Variants in PLD5 observed in about 807,000 individuals in gnomAD.
PLD5 encodes inactive phospholipase D5.
Under a neutral mutation model 61.1 loss-of-function variants are expected in PLD5, and 36 were observed. That is an observed-to-expected ratio of 0.59 (90% CI 0.45 to 0.78). The LOEUF is 0.78. Ranked by LOEUF, PLD5 falls within the 30% of genes least tolerant of loss-of-function variation. PLD5 has a pLI of 0.00. For missense variants in PLD5, 515 were observed against 644.4 expected (o/e 0.80, Z 2.17); for synonymous variants, 243 against 242.8 (o/e 1.00, Z -0.01).
In PLD5 at chr1:242,256,407, C is replaced by T. The variant is rs368584818; in HGVS notation, c.607+8930G>A. The stretch of plus-strand genomic sequence containing the variant: ...GTCCCTCAAGAATCATTCGTTTAAA[C>T]GTAATTCCCACTGTGGCAGTATTAA... On this transcript the variant is annotated intron_variant, in intron 4 of 9. Coordinates refer to ENST00000536534, the MANE Select transcript of PLD5 (RefSeq NM_001372062.1). The surrounding 1 kb of genome is among the most constrained non-coding windows in gnomAD (Gnocchi z 5.7). 5.3e-5 allele frequency among the ~76,000 whole-genome samples: 8 copies of T among 152,338 alleles called. No homozygotes were observed. Among genetic ancestry groups the T allele is most frequent in the Admixed American group, 1.3e-4 (2 of 15,312 alleles).
chr1:242,386,497 C>T (rs1662609046), intron 1 of PLD5, among the ~76,000 whole-genome samples: 1 of 152,136 alleles, frequency 6.6e-6, no homozygotes, highest in Non-Finnish European at 1.5e-5. Context: ...AAACCTGAAC[C>T]CAGTCCAGTC....
In PLD5 at chr1:242,088,181, T is replaced by C. The variant is rs1659558976; in HGVS notation, c.*1673A>G. ...TTGCTCTGAAAATACATGTATATTA[T>C]GGTCCTGAAGAACCAGCTCTAGCAC... On this transcript the variant is annotated 3_prime_UTR_variant, in exon 10 of 10. Transcript: ENST00000536534. 1 of 152,240 alleles carries C rather than the reference T, an allele frequency of 6.6e-6. No homozygotes were observed. The highest frequency in any genetic ancestry group is 2.4e-5 in the African/African-American group (1 of 41,464). 9.4% of individuals were successfully genotyped at this position (152,240 alleles called of 1,614,324 possible).
intron 5 of PLD5, among the ~76,000 whole-genome samples, chr1:242,208,708 T>C (rs994495799): frequency 3.3e-5 from 5 of 152,154 alleles, no homozygotes; most frequent in Non-Finnish European, 5.9e-5. Flanking sequence ...TCTGACTTGA[T>C]CACCAGCATC....
intron 5 of PLD5, among the ~76,000 whole-genome samples, chr1:242,161,212 G>A (rs1665798212): frequency 6.6e-6 from 1 of 152,054 alleles, no homozygotes; most frequent in African/African-American, 2.4e-5. Flanking sequence ...ACATGGCTGG[G>A]GATTCCACAC....
At chr1:242,411,519 GCCA>G (rs1664558010) in intron 1 of PLD5, among the ~76,000 whole-genome samples, 1 of 152,228 alleles carries the variant, frequency 6.6e-6, no homozygotes, top group Admixed American at 6.5e-5. Flanking sequence ...ACAGGCATGA[GCCA>G]CCACACCTGG....
chr1:242,287,224 C>A (rs1261961160), intron 3 of PLD5, among the ~76,000 whole-genome samples: 1 of 152,156 alleles, frequency 6.6e-6, no homozygotes, highest in East Asian at 1.9e-4. Flanking sequence ...GTGAGGAAAG[C>A]CATCCAGGAT....
chr1:242,285,346 A>C (rs1674961716), intron 3 of PLD5, among the ~76,000 whole-genome samples: 1 of 152,104 alleles, frequency 6.6e-6, no homozygotes, highest in Non-Finnish European at 1.5e-5. Context: ...AAAAATACAA[A>C]AATTAGCTTG....
chr1:242,361,569 C>T (rs4039080), intron 1 of PLD5, among the ~76,000 whole-genome samples: 134,175 of 151,332 alleles, frequency 0.89, 60,835 homozygotes, highest in Non-Finnish European at 0.98. Flanking sequence ...CTTCACAAGA[C>T]AAAACAAAAT....
At chr1:242,206,942 G>T (rs1404330172) in intron 5 of PLD5, among the ~76,000 whole-genome samples, 1 of 152,176 alleles carries the variant, frequency 6.6e-6, no homozygotes, top group Non-Finnish European at 1.5e-5. Context: ...GGGGCTGTAA[G>T]TTCAAAATCT....
At chr1:242,310,664 A>G (rs181954922) in intron 2 of PLD5, among the ~76,000 whole-genome samples, 13 of 152,326 alleles carry the variant, frequency 8.5e-5, no homozygotes, top group Non-Finnish European at 1.6e-4. Context: ...CTCCAACCTG[A>G]TAATATCAAA....
chr1:242,322,302 T>C (rs1658468341), intron 2 of PLD5, among the ~76,000 whole-genome samples: 2 of 152,210 alleles, frequency 1.3e-5, no homozygotes, highest in Non-Finnish European at 2.9e-5. Flanking sequence ...GCCAGCCATG[T>C]CACCACTCTT....
rs565644211 is a variant in PLD5, at chr1:242,383,924, G to A, written c.190-35682C>T. Among the ~76,000 whole-genome samples, 18 of 152,258 alleles carry A rather than the reference G, an allele frequency of 1.2e-4. No individual in the cohort carries two copies. In the South Asian group the frequency reaches 3.7e-3, roughly 32 times the overall value. On this transcript the variant is annotated intron_variant, in intron 1 of 9. Coordinates refer to ENST00000536534, the MANE Select transcript of PLD5 (RefSeq NM_001372062.1). The stretch of plus-strand genomic sequence containing the variant: ...AAACTGGTGTATGTACTTCTGGAAG[G>A]TAAAAATCCAAGCACTTGGCTTCCA...
intron 5 of PLD5, among the ~76,000 whole-genome samples, chr1:242,197,381 C>T (rs779854676): frequency 6.6e-6 from 1 of 152,228 alleles, no homozygotes; most frequent in African/African-American, 2.4e-5. Context: ...CCATGCTTCT[C>T]TGCATGACAC....
intron 1 of PLD5, among the ~76,000 whole-genome samples, chr1:242,375,463 C>T (rs12568231): frequency 0.028 from 4,316 of 152,218 alleles, 151 homozygotes; most frequent in East Asian, 0.14. Context: ...AAATGTCCCA[C>T]GTTTATCTAC....
chr1:242,402,511 C>A (rs929469097), intron 1 of PLD5, among the ~76,000 whole-genome samples: 2 of 152,070 alleles, frequency 1.3e-5, no homozygotes, highest in African/African-American at 2.4e-5. Flanking sequence ...GGTTGCCTAC[C>A]TTATACAATA....
At chr1:242,131,836 T>C (rs2148759059) in intron 5 of PLD5, among the ~76,000 whole-genome samples, 1 of 15,682 alleles carries the variant, frequency 6.4e-5, no homozygotes, top group Middle Eastern at 0.016. Flanking sequence ...CTTTCTTTCC[T>C]TTTTTTTTTT....
rs551631105 is a variant in PLD5 at position 242,097,773 on chromosome 1, G to A, written c.1354+2895C>T. Among the ~76,000 whole-genome samples the A allele has an allele frequency of 6.6e-5, 10 of 152,270 alleles. No individual in the cohort carries two copies. The South Asian group carries it at 2.1e-3, about 32-fold the overall frequency. ...AAATTAGATCCCATTTGTCAATTTT[G>A]GCATTTGTTGCCATTGCTTTTGGTG... On this transcript the variant is annotated intron_variant, in intron 9 of 9. Transcript: ENST00000536534.
chr1:242,159,984 A>T (rs1403195428), intron 5 of PLD5, among the ~76,000 whole-genome samples: 1 of 152,128 alleles, frequency 6.6e-6, no homozygotes, highest in Non-Finnish European at 1.5e-5. Context: ...ATTCATTAAA[A>T]ATATTAGCTG....
chr1:242,491,154 G>A (rs541185745), intron 1 of PLD5, among the ~76,000 whole-genome samples: 22 of 151,934 alleles, frequency 1.4e-4, no homozygotes, highest in East Asian at 7.7e-4. Context: ...TTTAATATTC[G>A]TTCATTTTCA....
Sources: allele counts gnomAD v4.1 joint callset (sites outside exome capture counted in the v4.1 genomes callset), GRCh38; gene constraint gnomAD v4.1.1; non-coding constraint Gnocchi (gnomAD v3.1); transcripts MANE v1.5; gene names NCBI Gene and HGNC (gene_info 2026-07-23, HGNC 2026-07-21).